The following DCHS2 variants were observed in gnomAD, a reference collection of about 807,000 sequenced individuals.
DCHS2 encodes the protein dachsous cadherin-related 2, also known as protocadherin-23.
Under a neutral mutation model 182.4 loss-of-function variants are expected in DCHS2, and 142 were observed. The ratio of observed to expected loss-of-function variants is 0.78; its 90% CI spans 0.68 to 0.89. The LOEUF (loss-of-function observed/expected upper bound fraction) is 0.89, where lower values mean the gene tolerates loss of function less well. Among genes scored for constraint, DCHS2 ranks in the 40% least tolerant of loss-of-function variants. The pLI is 0.00. For synonymous variants in DCHS2, 1,740 were observed against 1,663.3 expected, an observed-to-expected ratio of 1.05 and a Z score of -1.12; for missense variants, 4,319 against 4,198.6, an observed-to-expected ratio of 1.03 and a Z score of -0.79.
intron 1 of DCHS2, among the ~76,000 whole-genome samples, chr4:154,417,283 C>T (rs1306909581): frequency 7.0e-6 from 1 of 143,590 alleles, no homozygotes; most frequent in African/African-American, 2.6e-5. Flanking sequence ...TCATTCTTCC[C>T]GTTTACAGTG....
At chr4:154,412,506 G>T (rs1184777798) in intron 1 of DCHS2, among the ~76,000 whole-genome samples, 1 of 151,956 alleles carries the variant, frequency 6.6e-6, no homozygotes, top group Non-Finnish European at 1.5e-5. Context: ...ATTTCAATGG[G>T]TCCCTCACCG....
Position 154,329,598 on chromosome 4 carries a change from G to A in DCHS2, c.3843C>T (p.Tyr1281=), listed in dbSNP as rs778646013. The change falls in exon 6 of 20, where the codon TAC becomes TAT. Residue 1281 remains tyrosine (Y), a synonymous_variant. Transcript: ENST00000357232. ...SPPRNATMAV[Y]VSVTDINDNR... is the part of the protein sequence containing the mutation. The stretch of plus-strand genomic sequence containing the variant: ...TATCATTGATGTCAGTAACTGAGAC[G>A]TAAACCGCCATGGTGGCGTTTCGTG... The A allele has an allele frequency of 5.0e-6, 8 of 1,613,426 alleles. No individual in the cohort carries two copies. Among genetic ancestry groups the A allele is most frequent in the East Asian group, 4.5e-5 (2 of 44,880 alleles).
chr4:154,422,132 AC>A (rs745407082), intron 1 of DCHS2, among the ~76,000 whole-genome samples: 4 of 152,058 alleles, frequency 2.6e-5, no homozygotes, highest in Non-Finnish European at 4.4e-5. Context: ...CTTCTAGTCA[AC>A]CCTAAGTGTT....
In DCHS2 at chr4:154,232,558, A is replaced by C. The variant is rs1339663615; in HGVS notation, c.*1978T>G. ...GCATAAGTAAATGAAGAACCTGTTT[A>C]ATTAAAAACAACAAAATGTTCTTAG... On this transcript the variant is annotated 3_prime_UTR_variant, in exon 20 of 20. Transcript: ENST00000357232. The C allele has an allele frequency of 8.5e-5, 13 of 152,336 alleles. No individual in the cohort carries two copies. Among genetic ancestry groups the C allele is most frequent in the Admixed American group, 7.8e-4 (12 of 15,290 alleles). 9.4% of individuals were successfully genotyped at this position (152,336 alleles called of 1,614,324 possible). A position where few individuals can be genotyped will look rare whatever the true frequency, so the allele number is the denominator to read the frequency against.
chr4:154,236,357 A>G lies in DCHS2; in HGVS notation c.8295T>C (p.His2765=), dbSNP rs1418628438. ...AGCTTGAGAACATAAACTGAGGTGC[A>G]TGGTCGTTATCATCCAGGACACTGA... The part of the protein sequence containing the change: ...VFVSVLDDND[H]APQFMFSSFS... The change falls in exon 20 of 20, where the codon CAT becomes CAC. Residue 2765 remains histidine (H), a synonymous_variant. Transcript: ENST00000357232. The G allele has an allele frequency of 1.9e-6, 3 of 1,613,984 alleles. No homozygotes were observed. The African/African-American group carries it at 4.0e-5, about 22-fold the overall frequency.
At chr4:154,262,268 C>T (rs1281257506) in intron 14 of DCHS2, 1 of 152,136 alleles carries the variant, frequency 6.6e-6, no homozygotes, top group Non-Finnish European at 1.5e-5. Flanking sequence ...GGGGTAATAA[C>T]TGGCATATGC....
In DCHS2 at chr4:154,233,723, A is replaced by C. The variant is rs939402970; in HGVS notation, c.*813T>G. 1 of 152,204 alleles carries C rather than the reference A, an allele frequency of 6.6e-6. No homozygotes were observed. Among genetic ancestry groups the C allele is most frequent in the African/African-American group, 2.4e-5 (1 of 41,464 alleles). The allele number at this position is 152,204 out of a possible 1,614,324, so 9.4% of individuals were successfully genotyped here. A position where few individuals can be genotyped will look rare whatever the true frequency, so the allele number is the denominator to read the frequency against. ...TACTTATAAGACAAGACCTGAAAAAAAAGCCATTCTGTTTGTAAAGAAGGC... is the reference window on the plus strand; with the variant it reads ...TACTTATAAGACAAGACCTGAAAAACAAGCCATTCTGTTTGTAAAGAAGGC... On this transcript the variant is annotated 3_prime_UTR_variant, in exon 20 of 20. Transcript: ENST00000357232.
intron 1 of DCHS2, among the ~76,000 whole-genome samples, chr4:154,470,956 G>A (rs1735440235): frequency 6.6e-6 from 1 of 152,182 alleles, no homozygotes; most frequent in Non-Finnish European, 1.5e-5. Flanking sequence ...ACCTGAACAA[G>A]GATCTGCTGG....
chr4:154,235,110 T>C lies in DCHS2; in HGVS notation c.9542A>G (p.Asn3181Ser). The C allele has an allele frequency of 6.2e-7, 1 of 1,613,958 alleles. No homozygotes were observed. ...EGCSTTCAQN[N>S]VLPQTVQKRE... ...CTTCTGAACTGTCTGGGGTAACACA[T>C]TATTTTGAGCACAGGTGGTGCTGCA... is the stretch of plus-strand genomic sequence containing the variant. The change falls in exon 20 of 20, where the codon AAT becomes AGT. Residue 3181 changes from asparagine to serine, a missense_variant. Asn to Ser is a conservative substitution (Grantham distance 46). Transcript: ENST00000357232.
rs146842975 is a variant in DCHS2, at chr4:154,268,318, C to A, written c.6577+1582G>T. On this transcript the variant is annotated intron_variant, in intron 14 of 19. Coordinates refer to ENST00000357232, the MANE Select transcript of DCHS2 (RefSeq NM_001358235.2). Reference sequence around the variant, plus strand: ...AGAATACTACACTCGTGCTTTGGGGCCATTATTAAGTTACATAAGAGTGAC... The same window carrying A: ...AGAATACTACACTCGTGCTTTGGGGACATTATTAAGTTACATAAGAGTGAC... 2.8e-4 allele frequency among the ~76,000 whole-genome samples: 42 copies of A among 151,392 alleles called. No homozygotes were observed. The East Asian group carries it at 8.3e-3, about 30-fold the overall frequency.
intron 13 of DCHS2, among the ~76,000 whole-genome samples, chr4:154,285,317 T>C (rs6824909): frequency 0.98 from 148,352 of 152,082 alleles, 72,428 homozygotes; most frequent in Middle Eastern, 1. Context: ...GTGGTGGCTA[T>C]GGGGAGAGAC....
Position 154,491,470 on chromosome 4 carries a change from G to T in DCHS2, c.-115C>A. On this transcript the variant is annotated 5_prime_UTR_variant, in exon 1 of 20. Coordinates refer to ENST00000357232, the MANE Select transcript of DCHS2 (RefSeq NM_001358235.2). ...GCCAGAGAAGAAAAGACTTTGTTTGGCAAACAAACCGACGGCCCAGGAATT... is the reference window on the plus strand; with the variant it reads ...GCCAGAGAAGAAAAGACTTTGTTTGTCAAACAAACCGACGGCCCAGGAATT... The T allele has an allele frequency of 7.1e-7, 1 of 1,408,648 alleles. No homozygotes were observed. The highest frequency in any genetic ancestry group is 9.2e-7 in the Non-Finnish European group (1 of 1,086,398). 87.3% of individuals were successfully genotyped at this position (1,408,648 alleles called of 1,614,324 possible).
intron 1 of DCHS2, among the ~76,000 whole-genome samples, chr4:154,428,683 T>C (rs1446795571): frequency 6.6e-6 from 1 of 151,964 alleles, no homozygotes; most frequent in East Asian, 1.9e-4. Flanking sequence ...GGTGGATCAT[T>C]TGAGGTCAGT....
intron 1 of DCHS2, among the ~76,000 whole-genome samples, chr4:154,461,834 G>A (rs1419437798): frequency 1.3e-5 from 2 of 152,088 alleles, no homozygotes; most frequent in African/African-American, 2.4e-5. Flanking sequence ...CATTTTCAGT[G>A]GATTGTCCAA....
rs926510523 is a variant in DCHS2, at chr4:154,268,561, C to T, written c.6577+1339G>A. Among the ~76,000 whole-genome samples, 37 of 152,278 alleles carry T rather than the reference C, an allele frequency of 2.4e-4. 1 individual carries two copies. Among genetic ancestry groups the T allele is most frequent in the African/African-American group, 7.5e-4 (31 of 41,550 alleles). On this transcript the variant is annotated intron_variant, in intron 14 of 19. Transcript: ENST00000357232. The stretch of plus-strand genomic sequence containing the variant: ...TTTATTTCTGGACCTTCCCATTTAA[C>T]ATTTTTGGGCCATGGTTGACCACAG...
chr4:154,489,499 C>G lies in DCHS2; in HGVS notation c.1857G>C (p.Arg619=), dbSNP rs760541474. The change falls in exon 1 of 20, where the codon CGG becomes CGC. Residue 619 remains arginine, a synonymous_variant. Coordinates refer to ENST00000357232, the MANE Select transcript of DCHS2 (RefSeq NM_001358235.2). ...CCTCCTGGACCTCTCGGTCTAGAGTCCGGATAGTGCTGATCGCACCGCTTT... is the reference window on the plus strand; with the variant it reads ...CCTCCTGGACCTCTCGGTCTAGAGTGCGGATAGTGCTGATCGCACCGCTTT... ...DSESGAISTI[R]TLDREVQEAV... The G allele has an allele frequency of 5.8e-6, 9 of 1,551,650 alleles. No individual in the cohort carries two copies. In the South Asian group the frequency reaches 1.1e-4, roughly 18 times the overall value.
chr4:154,384,503 A>T (rs1185741248), intron 1 of DCHS2: 8 of 1,557,906 alleles, frequency 5.1e-6, no homozygotes, highest in Non-Finnish European at 6.1e-6. Context: ...CCTCCAAAAA[A>T]CCTCTGTCAA....
intron 1 of DCHS2, among the ~76,000 whole-genome samples, chr4:154,380,374 G>T (rs895066308): frequency 6.6e-6 from 1 of 152,022 alleles, no homozygotes; most frequent in Non-Finnish European, 1.5e-5. Context: ...CCACTACAAA[G>T]AACTAAACTC....
chr4:154,250,426 C>T (rs779468743), intron 16 of DCHS2, among the ~76,000 whole-genome samples: 3 of 152,130 alleles, frequency 2.0e-5, no homozygotes, highest in Non-Finnish European at 2.9e-5. Context: ...AATCTCAAAT[C>T]CATATCTTGA....
Sources: allele counts gnomAD v4.1 joint callset (sites outside exome capture counted in the v4.1 genomes callset), GRCh38; gene constraint gnomAD v4.1.1; transcripts MANE v1.5; gene names NCBI Gene and HGNC (gene_info 2026-07-23, HGNC 2026-07-21).